The following LDLRAD3 variants were observed in gnomAD, a reference collection of about 807,000 sequenced individuals.
The protein encoded by LDLRAD3 is low density lipoprotein receptor class A domain containing 3, also known as low-density lipoprotein receptor class A domain-containing protein 3.
In LDLRAD3, 20 loss-of-function variants were observed where a neutral mutation model predicts 29.4. The observed-to-expected ratio is 0.68, with a 90% confidence interval of 0.48 to 0.99. The LOEUF (loss-of-function observed/expected upper bound fraction) is 0.99, where lower values mean the gene tolerates loss of function less well. Among genes scored for constraint, LDLRAD3 ranks in the 50% least tolerant of loss-of-function variants. The probability of loss-of-function intolerance (pLI) is 0.00; values close to 1 mark genes in which losing one functional copy is unlikely to be tolerated. For synonymous variants in LDLRAD3, 157 were observed against 192.7 expected (o/e 0.81, Z 1.53); for missense variants, 420 against 454.3 (o/e 0.92, Z 0.69).
chr11:36,086,909 A>G (rs1476571683), intron 3 of LDLRAD3, among the ~76,000 whole-genome samples: 3 of 152,206 alleles, frequency 2.0e-5, no homozygotes, highest in African/African-American at 7.2e-5. Flanking sequence ...TTTCAGCAGC[A>G]CAAAAAGACA....
intron 2 of LDLRAD3, among the ~76,000 whole-genome samples, chr11:36,061,599 T>C (rs1337134953): frequency 1.3e-5 from 2 of 152,180 alleles, no homozygotes; most frequent in African/African-American, 4.8e-5. Context: ...CCACAATAAA[T>C]GATAGGCTGT....
chr11:36,162,104 G>T (rs1044063686), intron 4 of LDLRAD3, among the ~76,000 whole-genome samples: 1 of 152,178 alleles, frequency 6.6e-6, no homozygotes, highest in African/African-American at 2.4e-5. Context: ...TGGTGTATAA[G>T]CTGTATTTAG....
chr11:36,084,464 A>G (rs1395057381), intron 3 of LDLRAD3, among the ~76,000 whole-genome samples: 1 of 152,192 alleles, frequency 6.6e-6, no homozygotes, highest in Non-Finnish European at 1.5e-5. Flanking sequence ...ATAAAAATAA[A>G]TAAGTAAATA....
In LDLRAD3 at chr11:36,231,685, A is replaced by AT. The variant is rs1285768584; in HGVS notation, c.*2295dup. On this transcript the variant is annotated 3_prime_UTR_variant, in exon 6 of 6. Transcript: ENST00000315571. The stretch of plus-strand genomic sequence containing the variant: ...CAGGGACATTTTTATTATAGATTTG[A>AT]TTTTTTTAATGAATGTTTTTAAAAA... 5 of 151,998 alleles carry AT rather than the reference A, an allele frequency of 3.3e-5. No homozygotes were observed. Among genetic ancestry groups the AT allele is most frequent in the Non-Finnish European group, 7.4e-5 (5 of 67,988 alleles). 9.4% of individuals were successfully genotyped at this position (151,998 alleles called of 1,614,324 possible).
At chr11:36,064,479 A>AT (rs34464861) in intron 2 of LDLRAD3, among the ~76,000 whole-genome samples, 14,797 of 120,516 alleles carry the variant, frequency 0.12, 1,100 homozygotes, top group Admixed American at 0.15. Flanking sequence ...TGGCTAATTA[A>AT]TTTTTTTTTT....
intron 1 of LDLRAD3, among the ~76,000 whole-genome samples, chr11:35,982,259 T>C (rs768854922): frequency 1.3e-5 from 2 of 152,146 alleles, no homozygotes; most frequent in African/African-American, 2.4e-5. Context: ...TTTCTGGCAC[T>C]CTTTGTCGTT....
rs148211838 is a variant in LDLRAD3, at chr11:36,231,665, A to G, written c.*2268A>G. ...TAATGCTTTTTTAAAACAAACAGGG[A>G]CATTTTTATTATAGATTTGATTTTT... On this transcript the variant is annotated 3_prime_UTR_variant, in exon 6 of 6. Coordinates refer to ENST00000315571, the MANE Select transcript of LDLRAD3 (RefSeq NM_174902.4). 1.3e-5 allele frequency: 2 copies of G among 152,224 alleles called. No individual in the cohort carries two copies. Among genetic ancestry groups the G allele is most frequent in the African/African-American group, 2.4e-5 (1 of 41,528 alleles). 9.4% of individuals were successfully genotyped at this position (152,224 alleles called of 1,614,324 possible).
At chr11:36,207,338 T>C (rs1457268531) in intron 4 of LDLRAD3, among the ~76,000 whole-genome samples, 1 of 152,154 alleles carries the variant, frequency 6.6e-6, no homozygotes, top group Non-Finnish European at 1.5e-5. Context: ...TAACCTGGTA[T>C]TGGAAGTGAC....
At chr11:36,087,437 T>C (rs1195788789) in intron 3 of LDLRAD3, among the ~76,000 whole-genome samples, 1 of 152,256 alleles carries the variant, frequency 6.6e-6, no homozygotes, top group Admixed American at 6.5e-5. Flanking sequence ...CCATCAGGGA[T>C]TGAAACAAAA....
At chr11:36,157,859 T>A (rs76096109) in intron 4 of LDLRAD3, among the ~76,000 whole-genome samples, 3,081 of 152,290 alleles carry the variant, frequency 0.02, 98 homozygotes, top group African/African-American at 0.07. Context: ...TCTAGATCTG[T>A]CACGGGTAGA....
intron 4 of LDLRAD3, chr11:36,101,887 T>TC: frequency 2.8e-5 from 1 of 35,550 alleles, no homozygotes; most frequent in Non-Finnish European, 6.0e-5. Flanking sequence ...ACTGTCATCT[T>TC]TTTTTTTTTT....
intron 4 of LDLRAD3, among the ~76,000 whole-genome samples, chr11:36,191,636 G>T (rs1053070738): frequency 1.9e-5 from 2 of 106,220 alleles, no homozygotes; most frequent in African/African-American, 3.6e-5. Flanking sequence ...ACGCACGCAC[G>T]CACAAAGAAG....
At chr11:36,155,454 G>T (rs897838295) in intron 4 of LDLRAD3, among the ~76,000 whole-genome samples, 1 of 152,106 alleles carries the variant, frequency 6.6e-6, no homozygotes, top group Non-Finnish European at 1.5e-5. Context: ...ATTGACTTCC[G>T]CGTCTGTTCC....
chr11:36,155,498 G>A (rs1201029680), intron 4 of LDLRAD3, among the ~76,000 whole-genome samples: 6 of 152,044 alleles, frequency 3.9e-5, no homozygotes, highest in Non-Finnish European at 5.9e-5. Flanking sequence ...TTCTCCCCAC[G>A]CTGGCCTCCG....
Position 36,188,591 on chromosome 11 carries a change from C to T in LDLRAD3, c.455-38494C>T, listed in dbSNP as rs141203352. On this transcript the variant is annotated intron_variant, in intron 4 of 5. Transcript: ENST00000315571. The stretch of plus-strand genomic sequence containing the variant: ...AAAATGGGAAGATTAGTTGAAATTT[C>T]GTTAGGAAGCTATGACACTTTCATA... Among the ~76,000 whole-genome samples the T allele has an allele frequency of 4.0e-3, 607 of 152,184 alleles. 8 individuals are homozygous for T. Among genetic ancestry groups the T allele is most frequent in the Admixed American group, 0.032 (490 of 15,284 alleles).
intron 2 of LDLRAD3, among the ~76,000 whole-genome samples, chr11:36,045,683 G>A (rs1002039108): frequency 1.3e-5 from 2 of 148,374 alleles, no homozygotes; most frequent in African/African-American, 5.0e-5. Context: ...TTCCTGTGCT[G>A]TTCTCATGAT....
At chr11:36,053,416 G>A (rs776739103) in intron 2 of LDLRAD3, among the ~76,000 whole-genome samples, 6 of 152,072 alleles carry the variant, frequency 3.9e-5, no homozygotes, top group Non-Finnish European at 7.4e-5. Flanking sequence ...GCTGTGGAGC[G>A]CCTTACGTGC....
chr11:36,089,017 A>T (rs546790528), intron 3 of LDLRAD3, among the ~76,000 whole-genome samples: 1 of 152,330 alleles, frequency 6.6e-6, no homozygotes, highest in African/African-American at 2.4e-5. Flanking sequence ...ATGAGGTGGT[A>T]TTATAGTGTG....
chr11:35,984,365 A>T (rs969856611), intron 1 of LDLRAD3, among the ~76,000 whole-genome samples: 1 of 152,064 alleles, frequency 6.6e-6, no homozygotes, highest in African/African-American at 2.4e-5. Flanking sequence ...TAGAGAAGGG[A>T]TCTGGGTCTC....
Sources: allele counts gnomAD v4.1 joint callset (sites outside exome capture counted in the v4.1 genomes callset), GRCh38; gene constraint gnomAD v4.1.1; transcripts MANE v1.5; gene names NCBI Gene and HGNC (gene_info 2026-07-23, HGNC 2026-07-21).